Variants in MND1 observed in about 807,000 individuals in gnomAD.
The protein encoded by MND1 is meiotic nuclear division protein 1 homolog.
MND1 carries 28 observed loss-of-function variants against 35.1 expected under a neutral mutation model. That is an observed-to-expected ratio of 0.80 (90% CI 0.59 to 1.09). MND1 has a LOEUF of 1.09. Among genes scored for constraint, MND1 ranks in the 50% least tolerant of loss-of-function variants. MND1 has a pLI of 0.00. For missense variants in MND1, 213 were observed against 239.6 expected, an observed-to-expected ratio of 0.89 and a Z score of 0.73; for synonymous variants, 69 against 70.5, an observed-to-expected ratio of 0.98 and a Z score of 0.11.
intron 1 of MND1, among the ~76,000 whole-genome samples, chr4:153,348,294 G>A (rs1172231892): frequency 6.6e-6 from 1 of 152,188 alleles, no homozygotes; most frequent in African/African-American, 2.4e-5. Context: ...TCAAGGTCTA[G>A]AACAGCAAGT....
At chr4:153,413,687 GAAA>G (rs35958362) in intron 7 of MND1, among the ~76,000 whole-genome samples, 2 of 139,246 alleles carry the variant, frequency 1.4e-5, no homozygotes, top group African/African-American at 2.6e-5. Context: ...GTCTCAAGGG[GAAA>G]AAAAAAAAAA....
At chr4:153,377,103 G>T (rs1044511511) in intron 4 of MND1, among the ~76,000 whole-genome samples, 3 of 152,098 alleles carry the variant, frequency 2.0e-5, no homozygotes, top group Non-Finnish European at 4.4e-5. Context: ...CTCTTCCTTA[G>T]TTCTTCATCC....
intron 1 of MND1, among the ~76,000 whole-genome samples, chr4:153,348,313 A>G (rs1182186213): frequency 6.6e-6 from 1 of 152,078 alleles, no homozygotes; most frequent in African/African-American, 2.4e-5. Flanking sequence ...GTTTGTGGGG[A>G]GTAGGTATGA....
At chr4:153,363,734 CT>C (rs1579908414) in intron 4 of MND1, among the ~76,000 whole-genome samples, 1 of 152,078 alleles carries the variant, frequency 6.6e-6, no homozygotes, top group East Asian at 1.9e-4. Flanking sequence ...TCGGACCTAC[CT>C]AAGAGGGATG....
At chr4:153,409,160 A>C in intron 7 of MND1, 145 bp downstream of exon 7, 1 of 299,976 alleles carries the variant, frequency 3.3e-6, no homozygotes, top group East Asian at 7.3e-5. Flanking sequence ...TTACATATTA[A>C]ATCATTTCAG....
intron 4 of MND1, among the ~76,000 whole-genome samples, chr4:153,376,946 T>G (rs1728527810): frequency 6.6e-6 from 1 of 152,216 alleles, no homozygotes; most frequent in African/African-American, 2.4e-5. Context: ...ATGAAGTTAT[T>G]CTTAACAAAA....
At chr4:153,381,774 A>T (rs1458028674) in intron 4 of MND1, 2 of 126,548 alleles carry the variant, frequency 1.6e-5, no homozygotes, top group African/African-American at 6.1e-5. Flanking sequence ...GTAGCTATTC[A>T]TGGCCATGAT....
chr4:153,407,640 G>A lies in MND1; in HGVS notation c.467-1331G>A, dbSNP rs150819777. ...AAAATTATTCGTATTAGCAGAAACA[G>A]CCCAAATGTCCATCAGCTGATGAAT... On this transcript the variant is annotated intron_variant, in intron 6 of 7. Transcript: ENST00000240488. Among the ~76,000 whole-genome samples, 230 of 152,222 alleles carry A rather than the reference G, an allele frequency of 1.5e-3. 1 individual carries two copies. Among genetic ancestry groups the A allele is most frequent in the African/African-American group, 5.3e-3 (222 of 41,536 alleles).
intron 6 of MND1, among the ~76,000 whole-genome samples, chr4:153,407,243 C>T (rs1579957650): frequency 6.6e-6 from 1 of 152,162 alleles, no homozygotes; most frequent in East Asian, 1.9e-4. Context: ...GCAGGCGGAT[C>T]ACCTGAGGTT....
At chr4:153,387,016 A>G (rs1475316957) in intron 4 of MND1, among the ~76,000 whole-genome samples, 1 of 152,242 alleles carries the variant, frequency 6.6e-6, no homozygotes, top group Non-Finnish European at 1.5e-5. Context: ...TCACATTTTA[A>G]TCTTTTGAGA....
chr4:153,394,622 A>G (rs961515927), intron 5 of MND1, among the ~76,000 whole-genome samples: 7 of 152,198 alleles, frequency 4.6e-5, no homozygotes, highest in Non-Finnish European at 1.0e-4. Flanking sequence ...ATGGGGAATA[A>G]CAAAATCTGT....
intron 6 of MND1, among the ~76,000 whole-genome samples, chr4:153,397,974 C>A (rs1197495404): frequency 6.6e-6 from 1 of 152,124 alleles, no homozygotes; most frequent in Non-Finnish European, 1.5e-5. Flanking sequence ...GCTAATTTGG[C>A]CTCAAGAACT....
chr4:153,353,910 G>C (rs1454267446), intron 2 of MND1, among the ~76,000 whole-genome samples: 1 of 152,168 alleles, frequency 6.6e-6, no homozygotes. Flanking sequence ...AGTAGAAACA[G>C]AGTTTTGCCA....
At chr4:153,392,239 C>T (rs931176003) in intron 4 of MND1, among the ~76,000 whole-genome samples, 1 of 151,792 alleles carries the variant, frequency 6.6e-6, no homozygotes. Flanking sequence ...GTAGCTGGGA[C>T]TACAAGCGCA....
chr4:153,383,417 C>T (rs1325542995), intron 4 of MND1, among the ~76,000 whole-genome samples: 2 of 152,162 alleles, frequency 1.3e-5, no homozygotes, highest in East Asian at 1.9e-4. Context: ...CCACAAAGAA[C>T]CCAGAAGTGT....
intron 4 of MND1, among the ~76,000 whole-genome samples, chr4:153,391,747 C>CACAT (rs1554012371): frequency 2.0e-5 from 3 of 151,708 alleles, no homozygotes; most frequent in Non-Finnish European, 4.4e-5. Context: ...CACACACACA[C>CACAT]ACATACATAC....
At chr4:153,345,552 A>G in intron 1 of MND1, 1 of 985,082 alleles carries the variant, frequency 1.0e-6, no homozygotes, top group Non-Finnish European at 1.2e-6. Flanking sequence ...TCATCAAATC[A>G]TTTTCATAAA....
At chr4:153,384,636 G>A (rs1579932525) in intron 4 of MND1, among the ~76,000 whole-genome samples, 1 of 151,532 alleles carries the variant, frequency 6.6e-6, no homozygotes, top group South Asian at 2.1e-4. Flanking sequence ...TCTAGTTGAG[G>A]TACTAGTCAC....
chr4:153,392,027 A>T (rs1241823071), intron 4 of MND1, among the ~76,000 whole-genome samples: 2 of 152,122 alleles, frequency 1.3e-5, no homozygotes, highest in African/African-American at 4.8e-5. Flanking sequence ...AAAAAAGGGT[A>T]TCTATTATCT....
Sources: allele counts gnomAD v4.1 joint callset (sites outside exome capture counted in the v4.1 genomes callset), GRCh38; gene constraint gnomAD v4.1.1; transcripts MANE v1.5; gene names NCBI Gene and HGNC (gene_info 2026-07-23, HGNC 2026-07-21).